The following GSE1 variants were observed in gnomAD, a reference collection of about 807,000 sequenced individuals.
GSE1 encodes the protein Gse1 coiled-coil protein, also known as genetic suppressor element 1.
GSE1 carries 32 observed loss-of-function variants against 112.6 expected under a neutral mutation model. The observed-to-expected ratio is 0.28, with a 90% CI of 0.21 to 0.38. The LOEUF is 0.38. GSE1 is among the 10% of genes least tolerant of loss of function. The pLI is 1.00. For missense variants in GSE1, 2,348 were observed against 1,699.2 expected, an observed-to-expected ratio of 1.38 and a Z score of -6.71; for synonymous variants, 1,115 against 735.6, an observed-to-expected ratio of 1.52 and a Z score of -8.35.
intron 2 of GSE1, among the ~76,000 whole-genome samples, chr16:85,383,398 A>G (rs1306874201): frequency 6.6e-6 from 1 of 151,662 alleles, no homozygotes; most frequent in Non-Finnish European, 1.5e-5. Context: ...ACTCACACAC[A>G]TGCACACACA....
At chr16:85,188,591 C>T (rs995720432) in intron 1 of GSE1, among the ~76,000 whole-genome samples, 36 of 151,692 alleles carry the variant, frequency 2.4e-4, no homozygotes, top group Admixed American at 3.3e-4. Context: ...CACTTGAGGC[C>T]GGGAGTTAAA....
In GSE1 at chr16:85,672,106, C is replaced by T. The variant is rs949166953; in HGVS notation, c.3520-299C>T. Reference sequence around the variant, plus strand: ...CTCCGCCTCCTGGGTTCAAGCGATTCTCCTGCCTCAGCCTCCCGAGTAGCT... The same window carrying T: ...CTCCGCCTCCTGGGTTCAAGCGATTTTCCTGCCTCAGCCTCCCGAGTAGCT... On this transcript the variant is annotated intron_variant, in intron 15 of 15. Coordinates refer to ENST00000253458, the MANE Select transcript of GSE1 (RefSeq NM_014615.5). The T allele has an allele frequency of 1.2e-4, 40 of 330,068 alleles. 1 individual carries two copies. The highest frequency in any genetic ancestry group is 3.5e-4 in the South Asian group (14 of 39,870). 20.4% of individuals were successfully genotyped at this position (330,068 alleles called of 1,614,324 possible). A position where few individuals can be genotyped will look rare whatever the true frequency, so the allele number is the denominator to read the frequency against.
intron 2 of GSE1, chr16:85,463,062 C>G (rs950627248): frequency 9.2e-6 from 9 of 981,092 alleles, no homozygotes; most frequent in Non-Finnish European, 1.1e-5. Context: ...CCGGGTCCCG[C>G]GGCCCGGGGG....
chr16:85,188,307 G>A (rs1417579288), intron 1 of GSE1, among the ~76,000 whole-genome samples: 2 of 152,230 alleles, frequency 1.3e-5, no homozygotes, highest in Non-Finnish European at 2.9e-5. Flanking sequence ...CTGTATATGG[G>A]AATTACAGTA....
intron 13 of GSE1, 114 bp downstream of exon 13, chr16:85,666,461 C>G (rs569027113): frequency 4.1e-4 from 374 of 920,624 alleles, no homozygotes; most frequent in Admixed American, 1.0e-3. Flanking sequence ...TTTATAAACT[C>G]CAATCACCAG....
intron 1 of GSE1, among the ~76,000 whole-genome samples, chr16:85,288,282 T>A (rs2045101459): frequency 6.6e-6 from 1 of 152,090 alleles, no homozygotes; most frequent in Non-Finnish European, 1.5e-5. Context: ...TCAGCCCCCC[T>A]ACGCACTTTG....
Position 85,358,154 on chromosome 16 carries a change from C to G in GSE1, c.2464+511C>G, listed in dbSNP as rs528341208. Among the ~76,000 whole-genome samples the G allele has an allele frequency of 4.4e-4, 67 of 152,284 alleles. 2 individuals carry two copies. The South Asian group carries it at 0.013, about 30-fold the overall frequency. Reference sequence around the variant, plus strand: ...ACAGGCGTGCTGTGGACCACACCCCCACTCCAAGGCATCCTCAGACACATC... The same window carrying G: ...ACAGGCGTGCTGTGGACCACACCCCGACTCCAAGGCATCCTCAGACACATC... On this transcript the variant is annotated intron_variant, in intron 2 of 2. Transcript: ENST00000637419.
chr16:85,287,162 G>C (rs1007093467), intron 1 of GSE1, among the ~76,000 whole-genome samples: 1 of 152,244 alleles, frequency 6.6e-6, no homozygotes, highest in Non-Finnish European at 1.5e-5. Context: ...AGCTGGAGGC[G>C]AGTGCCGGGG....
intron 1 of GSE1, among the ~76,000 whole-genome samples, chr16:85,184,084 G>A (rs758653622): frequency 8.5e-5 from 13 of 152,318 alleles, no homozygotes; most frequent in South Asian, 4.1e-4. Context: ...GAAGCAAGGC[G>A]TCACCTGTGA....
intron 2 of GSE1, among the ~76,000 whole-genome samples, chr16:85,529,277 CG>C (rs1278196765): frequency 6.6e-6 from 1 of 152,122 alleles, no homozygotes; most frequent in Non-Finnish European, 1.5e-5. Flanking sequence ...TCGGTGGCTC[CG>C]TGGCAAGCGA....
intron 1 of GSE1, among the ~76,000 whole-genome samples, chr16:85,624,670 C>T (rs1453449219): frequency 3.3e-5 from 5 of 152,192 alleles, no homozygotes; most frequent in South Asian, 4.1e-4. Context: ...GGGTTGAGGG[C>T]GTGAATCTCC....
chr16:85,192,427 A>T (rs770797855), intron 1 of GSE1, among the ~76,000 whole-genome samples: 4 of 152,244 alleles, frequency 2.6e-5, no homozygotes, highest in Non-Finnish European at 5.9e-5. Flanking sequence ...TGTGCCAAGC[A>T]TTGTTATATG....
At chr16:85,258,588 C>G (rs1196173193) in intron 1 of GSE1, among the ~76,000 whole-genome samples, 3 of 152,150 alleles carry the variant, frequency 2.0e-5, no homozygotes, top group African/African-American at 7.2e-5. Flanking sequence ...CAGGGCGCCT[C>G]TGCCCCCCAA....
At chr16:85,208,822 G>A (rs1220892498) in intron 1 of GSE1, among the ~76,000 whole-genome samples, 1 of 107,434 alleles carries the variant, frequency 9.3e-6, no homozygotes, top group Non-Finnish European at 2.2e-5. Context: ...GCCACGTGTT[G>A]GGGTTCGTCT....
At chr16:85,264,772 T>C (rs1432021644) in intron 1 of GSE1, among the ~76,000 whole-genome samples, 1 of 152,146 alleles carries the variant, frequency 6.6e-6, no homozygotes, top group Non-Finnish European at 1.5e-5. Flanking sequence ...GCCCGTCCCC[T>C]GTGGAGACCC....
At chr16:85,354,955 G>A (rs887875020) in intron 1 of GSE1, among the ~76,000 whole-genome samples, 8 of 152,228 alleles carry the variant, frequency 5.3e-5, no homozygotes, top group African/African-American at 1.9e-4. Context: ...TGGGCCCTGA[G>A]TGAGTGGATG....
At chr16:85,201,901 G>A (rs563717015) in intron 1 of GSE1, among the ~76,000 whole-genome samples, 2 of 152,296 alleles carry the variant, frequency 1.3e-5, no homozygotes, top group South Asian at 2.1e-4. Flanking sequence ...TCAGAATTGC[G>A]GACAAGGAAG....
chr16:85,609,858 T>C (rs1245758845), upstream of GSE1, among the ~76,000 whole-genome samples: 1 of 152,128 alleles, frequency 6.6e-6, no homozygotes, highest in Non-Finnish European at 1.5e-5. Context: ...GGTTTTGCCA[T>C]GTTGTCCAGG....
chr16:85,228,684 T>C (rs12929588), intron 1 of GSE1, among the ~76,000 whole-genome samples: 30,888 of 151,998 alleles, frequency 0.2, 3,247 homozygotes, highest in South Asian at 0.34. Context: ...GAATTATGGG[T>C]CACAGGCACA....
Sources: allele counts gnomAD v4.1 joint callset (sites outside exome capture counted in the v4.1 genomes callset), GRCh38; gene constraint gnomAD v4.1.1; transcripts MANE v1.5; gene names NCBI Gene and HGNC (gene_info 2026-07-23, HGNC 2026-07-21).